FNDC10: variants seen among roughly 807,000 people sequenced by gnomAD.
FNDC10 encodes fibronectin type III domain containing 10, also known as fibronectin type III domain-containing protein 10.
In FNDC10, 8 loss-of-function variants were observed where a neutral mutation model predicts 11.6. The ratio of observed to expected loss-of-function variants is 0.69; its 90% CI spans 0.41 to 1.25. The LOEUF (loss-of-function observed/expected upper bound fraction) is 1.25. Among genes scored for constraint, FNDC10 ranks in the 50% most tolerant of loss-of-function variants. The pLI, the probability that FNDC10 is intolerant of heterozygous loss-of-function variation, is 0.01. For synonymous variants in FNDC10, 187 were observed against 162.9 expected, an observed-to-expected ratio of 1.15 and a Z score of -1.12; for missense variants, 308 against 330.2, an observed-to-expected ratio of 0.93 and a Z score of 0.52.
chr1:1,599,989 CA>C lies in FNDC10; in HGVS notation c.26del (p.Leu9ArgfsTer179). MRAPPLLL[L>X]LAACAPPPCA... ...AGGGCGGCGGCGCGCAGGCGGCCAG[CA>C]GCAGCAGCAGCGGCGGGGCGCGCAT... is the stretch of plus-strand genomic sequence containing the variant. On this transcript the variant is annotated frameshift_variant, in exon 1 of 1. Coordinates refer to ENST00000422725, the MANE Select transcript of FNDC10 (RefSeq NM_001242659.2). LOFTEE classifies it high-confidence loss of function. This position sits in a 1 kb window ranked among gnomAD's most constrained non-coding sequence, Gnocchi z 6.7. 1 of 981,682 alleles carries C rather than the reference CA, an allele frequency of 1.0e-6. No homozygotes were observed. Among genetic ancestry groups the C allele is most frequent in the Non-Finnish European group, 1.2e-6 (1 of 828,846 alleles). 60.8% of individuals were successfully genotyped at this position (981,682 alleles called of 1,614,324 possible). A position where few individuals can be genotyped will look rare whatever the true frequency, so the allele number is the denominator to read the frequency against.
chr1:1,599,948 G>A lies in FNDC10; in HGVS notation c.68C>T (p.Pro23Leu). The A allele has an allele frequency of 1.0e-6, 1 of 989,414 alleles. No homozygotes were observed. The highest frequency in any genetic ancestry group is 1.2e-6 in the Non-Finnish European group (1 of 834,220). The allele number at this position is 989,414 out of a possible 1,614,324, so 61.3% of individuals were successfully genotyped here. A position where few individuals can be genotyped will look rare whatever the true frequency, so the allele number is the denominator to read the frequency against. The change falls in exon 1 of 1, where the codon CCG becomes CTG. Residue 23 changes from proline (P) to leucine (L), a missense_variant. Transcript: ENST00000422725. The surrounding 1 kb of genome is among the most constrained non-coding windows in gnomAD (Gnocchi z 6.7). ...GGTCGGCTCCCAGCCCGGCGGCGTC[G>A]GGGCGGCCGCGGCGCAGGGCGGCGG... ...CAPPPCAAAA[P>L]TPPGWEPTPD...
chr1:1,599,250 A>G lies in FNDC10; in HGVS notation c.*85T>C, dbSNP rs901439475. On this transcript the variant is annotated 3_prime_UTR_variant, in exon 1 of 1. Transcript: ENST00000422725. This position sits in a 1 kb window ranked among gnomAD's most constrained non-coding sequence, Gnocchi z 6.7. The stretch of plus-strand genomic sequence containing the variant: ...CGGGGATCTTAAGGAGGCAGCAGGA[A>G]TGAGGAGAGGAGAGCGGGCGGAGGA... 7.9e-7 allele frequency: 1 copy of G among 1,273,240 alleles called. No individual in the cohort carries two copies. The highest frequency in any genetic ancestry group is 2.8e-5 in the East Asian group (1 of 35,150). The allele number at this position is 1,273,240 out of a possible 1,614,324, so 78.9% of individuals were successfully genotyped here.
At position 1,599,797 on chromosome 1, in the gene FNDC10, G is replaced by A; in HGVS notation, c.219C>T (p.Ala73=). The change falls in exon 1 of 1, where the codon GCC becomes GCT. Residue 73 remains alanine (A), a synonymous_variant. Transcript: ENST00000422725. The surrounding 1 kb of genome is among the most constrained non-coding windows in gnomAD (Gnocchi z 6.7). ...TGGCGCGCAGGGAGCGGCCGGCCGG[G>A]GCGTGCAGCACGCAGCCCGGAGCCT... ...RCQAPGCVLH[A]PAGRSLRASV... is the part of the protein sequence containing the mutation. 8.2e-7 allele frequency: 1 copy of A among 1,214,270 alleles called. No individual in the cohort carries two copies. The highest frequency in any genetic ancestry group is 3.8e-5 in the East Asian group (1 of 26,226). 75.2% of individuals were successfully genotyped at this position (1,214,270 alleles called of 1,614,324 possible). A position where few individuals can be genotyped will look rare whatever the true frequency, so the allele number is the denominator to read the frequency against.
Position 1,599,937 on chromosome 1 carries a change from C to T in FNDC10, c.79G>A (p.Gly27Ser). The change falls in exon 1 of 1, where the codon GGC (glycine) becomes AGC (serine). Residue 27 changes from glycine (G) to serine (S), a missense_variant. Gly to Ser is a moderately conservative substitution (Grantham distance 56). Transcript: ENST00000422725. This position sits in a 1 kb window ranked among gnomAD's most constrained non-coding sequence, Gnocchi z 6.7. ...GGCGCGTCGGGGGTCGGCTCCCAGC[C>T]CGGCGGCGTCGGGGCGGCCGCGGCG... ...PCAAAAPTPP[G>S]WEPTPDAPWC... 1 of 993,808 alleles carries T rather than the reference C, an allele frequency of 1.0e-6. No homozygotes were observed. The highest frequency in any genetic ancestry group is 1.2e-6 in the Non-Finnish European group (1 of 837,260). 61.6% of individuals were successfully genotyped at this position (993,808 alleles called of 1,614,324 possible).
chr1:1,599,839 C>G lies in FNDC10; in HGVS notation c.177G>C (p.Ala59=). ...CCGGAGCCTGGCAGCGGAAGCCGCG[C>G]GCGGGGCTGCGGAAGCACAGGCGCC... ...GGGRLCFRSP[A]RGFRCQAPGC... Residue 59 remains alanine (A), a synonymous_variant, in exon 1 of 1, where the codon GCG becomes GCC. Coordinates refer to ENST00000422725, the MANE Select transcript of FNDC10 (RefSeq NM_001242659.2). This position sits in a 1 kb window ranked among gnomAD's most constrained non-coding sequence, Gnocchi z 6.7. 2 of 1,087,034 alleles carry G rather than the reference C, an allele frequency of 1.8e-6. No individual in the cohort carries two copies. Among genetic ancestry groups the G allele is most frequent in the Non-Finnish European group, 2.2e-6 (2 of 898,158 alleles). 67.3% of individuals were successfully genotyped at this position (1,087,034 alleles called of 1,614,324 possible).
Position 1,600,026 on chromosome 1 carries a change from G to A in FNDC10, c.-11C>T, listed in dbSNP as rs1643095644. ...CGGCGGGGCGCGCATCCTGCGGCGG[G>A]GCCACGGGGCGCGGCGCTGGGTCAC... On this transcript the variant is annotated 5_prime_UTR_variant, in exon 1 of 1. Coordinates refer to ENST00000422725, the MANE Select transcript of FNDC10 (RefSeq NM_001242659.2). 3 of 978,910 alleles carry A rather than the reference G, an allele frequency of 3.1e-6. No individual in the cohort carries two copies. Among genetic ancestry groups the A allele is most frequent in the South Asian group, 4.6e-5 (1 of 21,892 alleles). 60.6% of individuals were successfully genotyped at this position (978,910 alleles called of 1,614,324 possible). A position where few individuals can be genotyped will look rare whatever the true frequency, so the allele number is the denominator to read the frequency against.
At position 1,599,809 on chromosome 1, in the gene FNDC10, G is replaced by A. The variant is rs1454508703; in HGVS notation, c.207C>T (p.Cys69=). ...AGCGGCCGGCCGGGGCGTGCAGCAC[G>A]CAGCCCGGAGCCTGGCAGCGGAAGC... ...ARGFRCQAPG[C]VLHAPAGRSL... Residue 69 remains cysteine, a synonymous_variant, in exon 1 of 1, where the codon TGC becomes TGT. Transcript: ENST00000422725. The surrounding 1 kb of genome is among the most constrained non-coding windows in gnomAD (Gnocchi z 6.7). The A allele has an allele frequency of 5.2e-6, 6 of 1,163,318 alleles. No individual in the cohort carries two copies. Among genetic ancestry groups the A allele is most frequent in the Admixed American group, 4.8e-5 (1 of 20,870 alleles). 72.1% of individuals were successfully genotyped at this position (1,163,318 alleles called of 1,614,324 possible). A position where few individuals can be genotyped will look rare whatever the true frequency, so the allele number is the denominator to read the frequency against.
rs1643085275 is a variant in FNDC10, at chr1:1,599,472, C to T, written c.544G>A (p.Asp182Asn). 1.3e-6 allele frequency: 2 copies of T among 1,533,634 alleles called. No individual in the cohort carries two copies. The highest frequency in any genetic ancestry group is 1.7e-6 in the Non-Finnish European group (2 of 1,146,058). ...EFTAEPAGMQ[D>N]IVVAMTAVGG... Reference sequence around the variant, plus strand: ...ACCGCCGTCATGGCCACCACGATGTCCTGCATGCCGGCCGGCTCGGCGGTG... The same window carrying T: ...ACCGCCGTCATGGCCACCACGATGTTCTGCATGCCGGCCGGCTCGGCGGTG... The change falls in exon 1 of 1, where the codon GAC becomes AAC. Residue 182 changes from aspartate to asparagine, a missense_variant. Physicochemically the swap from Asp to Asn is conservative, Grantham distance 23. Transcript: ENST00000422725. This position sits in a 1 kb window ranked among gnomAD's most constrained non-coding sequence, Gnocchi z 6.7.
chr1:1,599,992 C>T lies in FNDC10; in HGVS notation c.24G>A (p.Leu8=). The part of the protein sequence containing the change: MRAPPLL[L]LLAACAPPPC... Reference sequence around the variant, plus strand: ...GCGGCGGCGCGCAGGCGGCCAGCAGCAGCAGCAGCGGCGGGGCGCGCATCC... The same window carrying T: ...GCGGCGGCGCGCAGGCGGCCAGCAGTAGCAGCAGCGGCGGGGCGCGCATCC... The change falls in exon 1 of 1, where the codon CTG becomes CTA. Residue 8 remains leucine, a synonymous_variant. Transcript: ENST00000422725. This position sits in a 1 kb window ranked among gnomAD's most constrained non-coding sequence, Gnocchi z 6.7. 1 of 981,820 alleles carries T rather than the reference C, an allele frequency of 1.0e-6. No individual in the cohort carries two copies. 60.8% of individuals were successfully genotyped at this position (981,820 alleles called of 1,614,324 possible).
In FNDC10 at chr1:1,599,290, C is replaced by A; in HGVS notation, c.*45G>T. On this transcript the variant is annotated 3_prime_UTR_variant, in exon 1 of 1. Transcript: ENST00000422725. This position sits in a 1 kb window ranked among gnomAD's most constrained non-coding sequence, Gnocchi z 6.7. ...CGGGCGGAGGACCTGGGAGCTCAGG[C>A]GCCCTCAGGCAGGTGGCGCAAAGAT... 1.4e-6 allele frequency: 2 copies of A among 1,433,616 alleles called. No individual in the cohort carries two copies. The highest frequency in any genetic ancestry group is 1.4e-5 in the South Asian group (1 of 72,212). The allele number at this position is 1,433,616 out of a possible 1,614,324, so 88.8% of individuals were successfully genotyped here.
Position 1,598,798 on chromosome 1 carries a change from C to G in FNDC10, c.*537G>C, listed in dbSNP as rs373020728. 1 of 154,518 alleles carries G rather than the reference C, an allele frequency of 6.5e-6. No homozygotes were observed. Among genetic ancestry groups the G allele is most frequent in the Non-Finnish European group, 1.4e-5 (1 of 69,726 alleles). The allele number at this position is 154,518 out of a possible 1,614,324, so 9.6% of individuals were successfully genotyped here. A position where few individuals can be genotyped will look rare whatever the true frequency, so the allele number is the denominator to read the frequency against. On this transcript the variant is annotated 3_prime_UTR_variant, in exon 1 of 1. Coordinates refer to ENST00000422725, the MANE Select transcript of FNDC10 (RefSeq NM_001242659.2). The stretch of plus-strand genomic sequence containing the variant: ...CAGATGCATGGAGAGGCCGGCCAAT[C>G]TTAGGGCCACAGACCCCCCCTGGAC...
At position 1,600,068 on chromosome 1, in the gene FNDC10, C is replaced by CCGT; in HGVS notation, c.-56_-54dup. On this transcript the variant is annotated 5_prime_UTR_variant, in exon 1 of 1. Coordinates refer to ENST00000422725, the MANE Select transcript of FNDC10 (RefSeq NM_001242659.2). ...CTGGGTCACGCGGGCCGCGCCGCCG[C>CCGT]CGTCCCCGCTGCCCGCTCCCCGCGA... is the stretch of plus-strand genomic sequence containing the variant. The CCGT allele has an allele frequency of 1.1e-6, 1 of 921,534 alleles. No homozygotes were observed. The highest frequency in any genetic ancestry group is 1.3e-6 in the Non-Finnish European group (1 of 775,272). The allele number at this position is 921,534 out of a possible 1,614,324, so 57.1% of individuals were successfully genotyped here.
At position 1,599,948 on chromosome 1, in the gene FNDC10, GGGGCGGCCGCGGCGCA is replaced by G. The variant is rs1643093938; in HGVS notation, c.52_67del (p.Cys18ArgfsTer165). The G allele has an allele frequency of 4.0e-6, 4 of 989,414 alleles. No individual in the cohort carries two copies. The highest frequency in any genetic ancestry group is 4.8e-6 in the Non-Finnish European group (4 of 834,220). The allele number at this position is 989,414 out of a possible 1,614,324, so 61.3% of individuals were successfully genotyped here. A position where few individuals can be genotyped will look rare whatever the true frequency, so the allele number is the denominator to read the frequency against. On this transcript the variant is annotated frameshift_variant, in exon 1 of 1. Transcript: ENST00000422725. LOFTEE classifies it high-confidence loss of function. This position sits in a 1 kb window ranked among gnomAD's most constrained non-coding sequence, Gnocchi z 6.7. Reference sequence around the variant, plus strand: ...GGTCGGCTCCCAGCCCGGCGGCGTCGGGGCGGCCGCGGCGCAGGGCGGCGGCGCGCAGGCGGCCAGC... The same window carrying G: ...GGTCGGCTCCCAGCCCGGCGGCGTCGGGGCGGCGGCGCGCAGGCGGCCAGC...
At position 1,599,781 on chromosome 1, in the gene FNDC10, G is replaced by T; in HGVS notation, c.235C>A (p.Leu79Met). 8.1e-7 allele frequency: 1 copy of T among 1,235,328 alleles called. No individual in the cohort carries two copies. Among genetic ancestry groups the T allele is most frequent in the Admixed American group, 4.3e-5 (1 of 23,112 alleles). The allele number at this position is 1,235,328 out of a possible 1,614,324, so 76.5% of individuals were successfully genotyped here. A position where few individuals can be genotyped will look rare whatever the true frequency, so the allele number is the denominator to read the frequency against. The change falls in exon 1 of 1, where the codon CTG becomes ATG. Residue 79 changes from leucine to methionine, a missense_variant. Coordinates refer to ENST00000422725, the MANE Select transcript of FNDC10 (RefSeq NM_001242659.2). The surrounding 1 kb of genome is among the most constrained non-coding windows in gnomAD (Gnocchi z 6.7). ...CVLHAPAGRS[L>M]RASVLRNRSV... ...CGGTTGCGCAGGACGCTGGCGCGCA[G>T]GGAGCGGCCGGCCGGGGCGTGCAGC...
Position 1,599,292 on chromosome 1 carries a change from C to A in FNDC10, c.*43G>T. The A allele has an allele frequency of 6.9e-7, 1 of 1,446,796 alleles. No homozygotes were observed. Among genetic ancestry groups the A allele is most frequent in the Non-Finnish European group, 9.1e-7 (1 of 1,104,802 alleles). 89.6% of individuals were successfully genotyped at this position (1,446,796 alleles called of 1,614,324 possible). Reference sequence around the variant, plus strand: ...GGCGGAGGACCTGGGAGCTCAGGCGCCCTCAGGCAGGTGGCGCAAAGATGG... The same window carrying A: ...GGCGGAGGACCTGGGAGCTCAGGCGACCTCAGGCAGGTGGCGCAAAGATGG... On this transcript the variant is annotated 3_prime_UTR_variant, in exon 1 of 1. Transcript: ENST00000422725. This position sits in a 1 kb window ranked among gnomAD's most constrained non-coding sequence, Gnocchi z 6.7.
At position 1,599,711 on chromosome 1, in the gene FNDC10, C is replaced by A; in HGVS notation, c.305G>T (p.Arg102Leu). The A allele has an allele frequency of 2.3e-6, 3 of 1,330,446 alleles. No individual in the cohort carries two copies. Among genetic ancestry groups the A allele is most frequent in the Non-Finnish European group, 2.9e-6 (3 of 1,048,380 alleles). The allele number at this position is 1,330,446 out of a possible 1,614,324, so 82.4% of individuals were successfully genotyped here. The change falls in exon 1 of 1, where the codon CGC (arginine) becomes CTC (leucine). Residue 102 changes from arginine (R) to leucine (L), a missense_variant. Physicochemically the swap from Arg to Leu is moderately radical, Grantham distance 102. Transcript: ENST00000422725. The surrounding 1 kb of genome is among the most constrained non-coding windows in gnomAD (Gnocchi z 6.7). ...QWRLAPAAARRVRAFALNCSW... is the reference protein window; with the variant it reads ...QWRLAPAAARLVRAFALNCSW... ...GCAGTTGAGCGCGAAGGCGCGCACGCGGCGCGCGGCGGCCGGGGCCAGGCG... is the reference window on the plus strand; with the variant it reads ...GCAGTTGAGCGCGAAGGCGCGCACGAGGCGCGCGGCGGCCGGGGCCAGGCG...
chr1:1,599,224 G>A lies in FNDC10; in HGVS notation c.*111C>T. On this transcript the variant is annotated 3_prime_UTR_variant, in exon 1 of 1. Transcript: ENST00000422725. This position sits in a 1 kb window ranked among gnomAD's most constrained non-coding sequence, Gnocchi z 6.7. ...AGCCGTCGCCGGCAGGTCCTCCTCC[G>A]CGGGGATCTTAAGGAGGCAGCAGGA... 2 of 1,098,752 alleles carry A rather than the reference G, an allele frequency of 1.8e-6. No individual in the cohort carries two copies. Among genetic ancestry groups the A allele is most frequent in the Non-Finnish European group, 1.2e-6 (1 of 806,732 alleles). 68.1% of individuals were successfully genotyped at this position (1,098,752 alleles called of 1,614,324 possible).
At position 1,598,099 on chromosome 1, in the gene FNDC10, C is replaced by G. The variant is rs28737320; in HGVS notation, c.*1236G>C. Reference sequence around the variant, plus strand: ...CAGGGGTGGGCGGAGCAAAGACACACAGGTGGGCTACAGGTGTCACACGGC... The same window carrying G: ...CAGGGGTGGGCGGAGCAAAGACACAGAGGTGGGCTACAGGTGTCACACGGC... On this transcript the variant is annotated 3_prime_UTR_variant, in exon 1 of 1. Coordinates refer to ENST00000422725, the MANE Select transcript of FNDC10 (RefSeq NM_001242659.2). 0.11 allele frequency: 16,360 copies of G among 152,464 alleles called. 2,727 individuals are homozygous for G. Among genetic ancestry groups the G allele is most frequent in the African/African-American group, 0.35 (14,676 of 41,536 alleles). 9.4% of individuals were successfully genotyped at this position (152,464 alleles called of 1,614,324 possible).
At position 1,599,564 on chromosome 1, in the gene FNDC10, AGCGGCT is replaced by A; in HGVS notation, c.446_451del (p.Gln149_Pro150del). 6.6e-7 allele frequency: 1 copy of A among 1,506,720 alleles called. No homozygotes were observed. Among genetic ancestry groups the A allele is most frequent in the Non-Finnish European group, 8.8e-7 (1 of 1,136,874 alleles). 93.3% of individuals were successfully genotyped at this position (1,506,720 alleles called of 1,614,324 possible). On this transcript the variant is annotated inframe_deletion, in exon 1 of 1. Transcript: ENST00000422725. This position sits in a 1 kb window ranked among gnomAD's most constrained non-coding sequence, Gnocchi z 6.7. ...GGCGGCGGGCCCAGCGCGCAGCGGC[AGCGGCT>A]GCAGGCACAGGCGGTAGAGGACGCT...
Sources: allele counts gnomAD v4.1 joint callset, GRCh38; gene constraint gnomAD v4.1.1; non-coding constraint Gnocchi (gnomAD v3.1); transcripts MANE v1.5; gene names NCBI Gene and HGNC (gene_info 2026-07-23, HGNC 2026-07-21).